The following LGSN variants were observed in gnomAD, a reference collection of about 807,000 sequenced individuals.
LGSN encodes lengsin, lens protein with glutamine synthetase domain.
In LGSN, 21 loss-of-function variants were observed where a neutral mutation model predicts 19.5. That is an observed-to-expected ratio of 1.07 (90% CI 0.76 to 1.55). The LOEUF (loss-of-function observed/expected upper bound fraction) is 1.55, where lower values mean the gene tolerates loss of function less well. Among genes scored for constraint, LGSN ranks in the 40% most tolerant of loss-of-function variants. The pLI, the probability that LGSN is intolerant of heterozygous loss-of-function variation, is 0.00. For synonymous variants in LGSN, 257 were observed against 215.6 expected, an observed-to-expected ratio of 1.19 and a Z score of -1.68; for missense variants, 673 against 608.5, an observed-to-expected ratio of 1.11 and a Z score of -1.12.
intron 1 of LGSN, among the ~76,000 whole-genome samples, chr6:63,305,798 C>T (rs1334053406): frequency 2.0e-5 from 3 of 151,986 alleles, no homozygotes; most frequent in Non-Finnish European, 4.4e-5. Context: ...GGGTGGCTCA[C>T]GCCTGTAATC....
the LGSN span, among the ~76,000 whole-genome samples, chr6:63,503,651 A>C: frequency 6.6e-6 from 1 of 152,236 alleles, no homozygotes; most frequent in African/African-American, 2.4e-5. Context: ...ACAGCGGCTC[A>C]TGCCTGTAAT....
the LGSN span, among the ~76,000 whole-genome samples, chr6:63,386,038 C>T: frequency 6.6e-6 from 1 of 152,100 alleles, no homozygotes; most frequent in African/African-American, 2.4e-5. Context: ...ATAGTATTCA[C>T]TTAACAGTTT....
At chr6:63,486,759 A>T in the LGSN span, among the ~76,000 whole-genome samples, 1 of 135,688 alleles carries the variant, frequency 7.4e-6, no homozygotes, top group African/African-American at 2.8e-5. Context: ...ATTATGGCTC[A>T]CTGCAGCCTC....
chr6:63,411,368 T>G, the LGSN span, among the ~76,000 whole-genome samples: 2 of 152,238 alleles, frequency 1.3e-5, no homozygotes, highest in Non-Finnish European at 2.9e-5. Flanking sequence ...TAAGTTACAC[T>G]AGGACATAGC....
At chr6:63,569,317 A>T in the LGSN span, among the ~76,000 whole-genome samples, 1 of 152,178 alleles carries the variant, frequency 6.6e-6, no homozygotes, top group African/African-American at 2.4e-5. Flanking sequence ...GTGCAGTGCC[A>T]TGATCTCGGC....
chr6:63,426,237 A>C, the LGSN span, among the ~76,000 whole-genome samples: 1 of 152,202 alleles, frequency 6.6e-6, no homozygotes, highest in East Asian at 1.9e-4. Flanking sequence ...TCCAAGTTTT[A>C]TGATCCTTAG....
At chr6:63,452,054 C>CTT in the LGSN span, among the ~76,000 whole-genome samples, 1 of 131,790 alleles carries the variant, frequency 7.6e-6, no homozygotes, top group African/African-American at 3.0e-5. Flanking sequence ...GTTTTCTTGT[C>CTT]TTTTTTTTTT....
the LGSN span, among the ~76,000 whole-genome samples, chr6:63,567,239 G>C: frequency 6.6e-6 from 1 of 152,058 alleles, no homozygotes; most frequent in African/African-American, 2.4e-5. Context: ...GAATGTTTTT[G>C]GTTTACTTTG....
chr6:63,295,064 C>A lies in LGSN; in HGVS notation c.31-19G>T, dbSNP rs1363910657. ...TTGAGTCCTGTTGATAATTAATAAACAAAAAGCCAAATAACAGATTATTCA... is the reference window on the plus strand; with the variant it reads ...TTGAGTCCTGTTGATAATTAATAAAAAAAAAGCCAAATAACAGATTATTCA... On this transcript the variant is annotated intron_variant, in intron 1 of 3. Transcript: ENST00000370657. 6.2e-7 allele frequency: 1 copy of A among 1,606,174 alleles called. No individual in the cohort carries two copies. The highest frequency in any genetic ancestry group is 1.7e-5 in the Admixed American group (1 of 59,474).
the LGSN span, among the ~76,000 whole-genome samples, chr6:63,456,808 A>G: frequency 6.6e-6 from 1 of 152,166 alleles, no homozygotes; most frequent in African/African-American, 2.4e-5. Context: ...AAGGGAAGAA[A>G]GCAGAGAAGG....
the LGSN span, among the ~76,000 whole-genome samples, chr6:63,394,297 T>C: frequency 1.3e-5 from 2 of 152,054 alleles, no homozygotes; most frequent in African/African-American, 4.8e-5. Context: ...AGAAAACAGG[T>C]TGCAGTAAAG....
chr6:63,500,259 T>C, the LGSN span, among the ~76,000 whole-genome samples: 1 of 109,264 alleles, frequency 9.2e-6, no homozygotes, highest in Non-Finnish European at 1.8e-5. Context: ...GAAGGAGAAG[T>C]ATAATGGAAA....
the LGSN span, among the ~76,000 whole-genome samples, chr6:63,567,365 G>A: frequency 6.6e-6 from 1 of 152,194 alleles, no homozygotes; most frequent in African/African-American, 2.4e-5. Flanking sequence ...GTTGCAGAAT[G>A]GATGCTGTGT....
chr6:63,319,852 T>C, intron 1 of LGSN, 62 bp downstream of exon 1: 2 of 1,198,460 alleles, frequency 1.7e-6, no homozygotes, highest in Non-Finnish European at 2.5e-6. Flanking sequence ...ATAATTGACA[T>C]TTTTTAAAAA....
intron 1 of LGSN, among the ~76,000 whole-genome samples, chr6:63,296,152 TA>T (rs1767970162): frequency 6.6e-6 from 1 of 152,172 alleles, no homozygotes; most frequent in Non-Finnish European, 1.5e-5. Context: ...TATATGTAAT[TA>T]TGATGCATTG....
At chr6:63,505,581 G>GAA in the LGSN span, among the ~76,000 whole-genome samples, 919 of 79,766 alleles carry the variant, frequency 0.012, 124 homozygotes, top group African/African-American at 0.034. Flanking sequence ...AAGAAAGAAA[G>GAA]AAAGAAAGAA....
chr6:63,319,608 A>T (rs1475639780), intron 1 of LGSN, among the ~76,000 whole-genome samples: 1 of 150,910 alleles, frequency 6.6e-6, no homozygotes, highest in Admixed American at 6.6e-5. Context: ...ATAACAACCA[A>T]AATAGAAATA....
At chr6:63,294,343 A>T (rs988591676) in intron 2 of LGSN, among the ~76,000 whole-genome samples, 3 of 152,150 alleles carry the variant, frequency 2.0e-5, no homozygotes, top group Admixed American at 1.3e-4. Context: ...TCAAAAAAAT[A>T]AATTAATTAA....
the LGSN span, among the ~76,000 whole-genome samples, chr6:63,412,409 A>AAGAG: frequency 7.6e-6 from 1 of 131,928 alleles, no homozygotes; most frequent in African/African-American, 3.6e-5. Context: ...GAAAGAAAGA[A>AAGAG]AGAAAGAAGA....
Sources: allele counts gnomAD v4.1 joint callset (sites outside exome capture counted in the v4.1 genomes callset), GRCh38; gene constraint gnomAD v4.1.1; transcripts MANE v1.5; gene names NCBI Gene and HGNC (gene_info 2026-07-23, HGNC 2026-07-21).